Variants in KCND2 observed in about 807,000 individuals in gnomAD.
KCND2 encodes potassium voltage-gated channel subfamily D member 2, also known as A-type voltage-gated potassium channel KCND2.
In KCND2, 16 loss-of-function variants were observed where a neutral mutation model predicts 54.4. That is an observed-to-expected ratio of 0.29 (90% CI 0.20 to 0.45). The LOEUF (loss-of-function observed/expected upper bound fraction) is 0.45. KCND2 is among the 20% of genes least tolerant of loss of function. The probability of loss-of-function intolerance (pLI) is 1.00; values close to 1 mark genes in which losing one functional copy is unlikely to be tolerated. For synonymous variants in KCND2, 317 were observed against 310.7 expected, an observed-to-expected ratio of 1.02 and a Z score of -0.21; for missense variants, 486 against 824.2, an observed-to-expected ratio of 0.59 and a Z score of 5.02.
intron 1 of KCND2, among the ~76,000 whole-genome samples, chr7:120,389,581 A>G (rs1027090551): frequency 2.0e-5 from 3 of 151,616 alleles, no homozygotes; most frequent in Non-Finnish European, 4.4e-5. Flanking sequence ...TTCTGTTTCT[A>G]TATATTTAAG....
At chr7:120,534,386 A>G (rs1791877573) in intron 1 of KCND2, among the ~76,000 whole-genome samples, 1 of 152,068 alleles carries the variant, frequency 6.6e-6, no homozygotes, top group Non-Finnish European at 1.5e-5. Context: ...GTGTCAGTCT[A>G]ACCACAAGAC....
intron 1 of KCND2, among the ~76,000 whole-genome samples, chr7:120,726,662 A>G (rs1792737381): frequency 6.6e-6 from 1 of 152,210 alleles, no homozygotes; most frequent in South Asian, 2.1e-4. Context: ...CTAACTTTTT[A>G]AAGGATACCT....
At chr7:120,710,281 G>A (rs1792521571) in intron 1 of KCND2, among the ~76,000 whole-genome samples, 2 of 152,142 alleles carry the variant, frequency 1.3e-5, no homozygotes, top group South Asian at 4.1e-4. Context: ...CAGGAACAAG[G>A]AATTATTTTT....
At chr7:120,336,401 C>T (rs925681006) in intron 1 of KCND2, among the ~76,000 whole-genome samples, 1 of 152,064 alleles carries the variant, frequency 6.6e-6, no homozygotes, top group African/African-American at 2.4e-5. Flanking sequence ...TTTTCCAAGT[C>T]TCTTGACACG....
At chr7:120,649,296 A>AT (rs543690246) in intron 1 of KCND2, among the ~76,000 whole-genome samples, 50 of 150,588 alleles carry the variant, frequency 3.3e-4, no homozygotes, top group African/African-American at 8.5e-4. Context: ...ATCCTGTGCC[A>AT]TTTTTTTTTG....
intron 1 of KCND2, among the ~76,000 whole-genome samples, chr7:120,615,958 G>A (rs1793018356): frequency 6.6e-6 from 1 of 152,138 alleles, no homozygotes; most frequent in African/African-American, 2.4e-5. Flanking sequence ...CGGTGGTTTT[G>A]AAATGTCCCT....
intron 1 of KCND2, among the ~76,000 whole-genome samples, chr7:120,547,842 G>A (rs542851949): frequency 6.6e-6 from 1 of 152,100 alleles, no homozygotes; most frequent in South Asian, 2.1e-4. Flanking sequence ...TCTTAAGAAC[G>A]TGAGGCAGTC....
intron 1 of KCND2, among the ~76,000 whole-genome samples, chr7:120,601,121 A>G (rs1792808373): frequency 6.6e-6 from 1 of 152,160 alleles, no homozygotes; most frequent in Non-Finnish European, 1.5e-5. Flanking sequence ...AAAAAGATAA[A>G]TGAAACACAG....
At chr7:120,379,854 A>G (rs939600596) in intron 1 of KCND2, among the ~76,000 whole-genome samples, 1 of 152,060 alleles carries the variant, frequency 6.6e-6, no homozygotes, top group African/African-American at 2.4e-5. Flanking sequence ...GAGACACACT[A>G]TTTAAAATAG....
At chr7:120,514,012 T>C (rs565140751) in intron 1 of KCND2, among the ~76,000 whole-genome samples, 1 of 152,114 alleles carries the variant, frequency 6.6e-6, no homozygotes, top group Non-Finnish European at 1.5e-5. Context: ...TTAATAATAA[T>C]GTCCTAAACT....
chr7:120,426,660 C>T (rs1337642398), intron 1 of KCND2, among the ~76,000 whole-genome samples: 1 of 104,752 alleles, frequency 9.5e-6, no homozygotes, highest in African/African-American at 5.1e-5. Flanking sequence ...CGCAATCTGT[C>T]GCCCAGGCTG....
chr7:120,555,301 C>T (rs754105683), intron 1 of KCND2, among the ~76,000 whole-genome samples: 14 of 152,120 alleles, frequency 9.2e-5, no homozygotes, highest in Non-Finnish European at 1.6e-4. Flanking sequence ...GGGAGACAAA[C>T]ATATTCATAT....
rs190410946 is a variant in KCND2 at position 120,288,144 on chromosome 7, A to T, written c.1115+12397A>T. The stretch of plus-strand genomic sequence containing the variant: ...AACATTGTCAAGGATAGGTAGGCTG[A>T]GCTTTTCTTAGTAGAGGCAGAAGAT... On this transcript the variant is annotated intron_variant, in intron 1 of 5. Coordinates refer to ENST00000331113, the MANE Select transcript of KCND2 (RefSeq NM_012281.3). Among the ~76,000 whole-genome samples the T allele has an allele frequency of 7.1e-4, 108 of 152,254 alleles. 1 individual carries two copies. The highest frequency in any genetic ancestry group is 1.4e-3 in the Non-Finnish European group (93 of 68,004).
intron 1 of KCND2, among the ~76,000 whole-genome samples, chr7:120,290,054 G>T (rs188797498): frequency 6.6e-6 from 1 of 152,118 alleles, no homozygotes; most frequent in East Asian, 1.9e-4. Context: ...GCCTCAATAT[G>T]CGTGCTGACA....
At chr7:120,559,581 T>G (rs972281220) in intron 1 of KCND2, among the ~76,000 whole-genome samples, 1 of 152,198 alleles carries the variant, frequency 6.6e-6, no homozygotes, top group African/African-American at 2.4e-5. Context: ...TAACAATATT[T>G]TCTGAATTAA....
At chr7:120,713,364 G>A (rs1001824921) in intron 1 of KCND2, among the ~76,000 whole-genome samples, 6 of 152,116 alleles carry the variant, frequency 3.9e-5, no homozygotes, top group Non-Finnish European at 7.4e-5. Flanking sequence ...TCCACACATA[G>A]GAAACCATCT....
intron 3 of KCND2, 141 bp downstream of exon 3, chr7:120,741,770 T>A: frequency 1.4e-6 from 1 of 724,604 alleles, no homozygotes; most frequent in Non-Finnish European, 2.5e-6. Context: ...TGTGTTTTTT[T>A]AATAACTTCA....
intron 1 of KCND2, among the ~76,000 whole-genome samples, chr7:120,560,307 A>C (rs1340904549): frequency 6.6e-6 from 1 of 152,306 alleles, no homozygotes; most frequent in South Asian, 2.1e-4. Flanking sequence ...ACTATTCAGT[A>C]GTTTTAAAAG....
chr7:120,506,653 G>A (rs1445928477), intron 1 of KCND2, among the ~76,000 whole-genome samples: 1 of 151,844 alleles, frequency 6.6e-6, no homozygotes. Flanking sequence ...AATATTTAAA[G>A]CTGTCAAATG....
Sources: allele counts gnomAD v4.1 joint callset (sites outside exome capture counted in the v4.1 genomes callset), GRCh38; gene constraint gnomAD v4.1.1; transcripts MANE v1.5; gene names NCBI Gene and HGNC (gene_info 2026-07-23, HGNC 2026-07-21).